PDLIM5: variants seen among roughly 807,000 people sequenced by gnomAD.
PDLIM5 encodes the protein PDZ and LIM domain protein 5.
A neutral mutation model predicts 64.2 loss-of-function variants in PDLIM5; 34 were observed. The observed-to-expected ratio is 0.53, with a 90% CI of 0.40 to 0.71. PDLIM5 has a LOEUF of 0.71. PDLIM5 is among the 30% of genes least tolerant of loss of function. The probability of loss-of-function intolerance (pLI) is 0.00; values close to 1 mark genes in which losing one functional copy is unlikely to be tolerated. For missense variants in PDLIM5, 683 were observed against 733.6 expected, an observed-to-expected ratio of 0.93 and a Z score of 0.80; for synonymous variants, 253 against 269.1, an observed-to-expected ratio of 0.94 and a Z score of 0.59.
At chr4:94,641,166 C>T (rs1055989105) in intron 9 of PDLIM5, among the ~76,000 whole-genome samples, 31 of 152,316 alleles carry the variant, frequency 2.0e-4, no homozygotes, top group African/African-American at 5.8e-4. Context: ...TGTTGCACTT[C>T]GTGAGTTGCC....
chr4:94,579,556 G>A, intron 5 of PDLIM5: 1 of 1,354,890 alleles, frequency 7.4e-7, no homozygotes, highest in African/African-American at 1.5e-5. Flanking sequence ...CCACATTACT[G>A]GAGAGGAAAT....
At chr4:94,564,179 G>T (rs1425958889) in intron 3 of PDLIM5, among the ~76,000 whole-genome samples, 1 of 151,978 alleles carries the variant, frequency 6.6e-6, no homozygotes. Flanking sequence ...GGCCAGGGTG[G>T]TCTAGATCTC....
intron 3 of PDLIM5, among the ~76,000 whole-genome samples, chr4:94,563,616 A>C (rs925532709): frequency 6.6e-6 from 1 of 152,206 alleles, no homozygotes; most frequent in African/African-American, 2.4e-5. Context: ...TTTACAAAAA[A>C]GGTTTGCAAT....
At chr4:94,597,851 G>C (rs553330605) in intron 7 of PDLIM5, among the ~76,000 whole-genome samples, 3 of 152,084 alleles carry the variant, frequency 2.0e-5, no homozygotes, top group Admixed American at 6.6e-5. Flanking sequence ...AGTCAAGCAG[G>C]CATTCTGAAA....
chr4:94,507,923 G>A (rs1456812601), intron 2 of PDLIM5, among the ~76,000 whole-genome samples: 2 of 152,108 alleles, frequency 1.3e-5, no homozygotes, highest in African/African-American at 2.4e-5. Flanking sequence ...TCCCTCCTTG[G>A]TATGGACTTT....
chr4:94,561,559 C>G (rs977397738), intron 3 of PDLIM5, among the ~76,000 whole-genome samples: 1 of 152,048 alleles, frequency 6.6e-6, no homozygotes, highest in African/African-American at 2.4e-5. Context: ...TTTCTATGCA[C>G]TGGTTGTTAT....
In PDLIM5 at chr4:94,585,614, C is replaced by T. The variant is rs749780712; in HGVS notation, c.760C>T (p.Pro254Ser). The change falls in exon 6 of 13, where the codon CCC becomes TCC. Residue 254 changes from proline (P) to serine (S), a missense_variant. Physicochemically the swap from Pro to Ser is moderately conservative, Grantham distance 74. Transcript: ENST00000317968. Reference protein sequence around the residue: ...VERYTEFYHVPTHSDASKKRL... With the variant: ...VERYTEFYHVSTHSDASKKRL... Reference sequence around the variant, plus strand: ...GCGCTATACAGAGTTTTATCATGTACCCACTCACAGTGATGCCAGCAAGAA... The same window carrying T: ...GCGCTATACAGAGTTTTATCATGTATCCACTCACAGTGATGCCAGCAAGAA... The T allele has an allele frequency of 1.9e-6, 3 of 1,612,844 alleles. No individual in the cohort carries two copies. Among genetic ancestry groups the T allele is most frequent in the Non-Finnish European group, 2.5e-6 (3 of 1,179,468 alleles).
At chr4:94,532,736 T>A (rs935880102) in intron 3 of PDLIM5, among the ~76,000 whole-genome samples, 3 of 152,184 alleles carry the variant, frequency 2.0e-5, no homozygotes, top group African/African-American at 7.2e-5. Flanking sequence ...TGTGGCTCAA[T>A]GCCTGTAATT....
intron 2 of PDLIM5, among the ~76,000 whole-genome samples, chr4:94,492,295 T>C (rs1726950149): frequency 6.6e-6 from 1 of 151,936 alleles, no homozygotes; most frequent in African/African-American, 2.4e-5. Context: ...CCTCTCTTTT[T>C]TTTTTCTCTC....
chr4:94,468,745 A>G (rs912697728), intron 2 of PDLIM5, among the ~76,000 whole-genome samples: 4 of 152,194 alleles, frequency 2.6e-5, no homozygotes, highest in Non-Finnish European at 5.9e-5. Context: ...ACTACTTACT[A>G]TCTTTTAGGA....
At chr4:94,634,887 A>C (rs549864231) in intron 8 of PDLIM5, among the ~76,000 whole-genome samples, 1 of 152,310 alleles carries the variant, frequency 6.6e-6, no homozygotes, top group East Asian at 1.9e-4. Flanking sequence ...GCAACTCTGT[A>C]TATTGTGGAT....
intron 9 of PDLIM5, among the ~76,000 whole-genome samples, chr4:94,641,298 A>C (rs187469456): frequency 7.6e-4 from 116 of 152,334 alleles, no homozygotes; most frequent in Admixed American, 1.2e-3. Flanking sequence ...TTAAAACTTA[A>C]TTGCATTTTC....
chr4:94,618,572 T>C (rs777724198), intron 8 of PDLIM5, among the ~76,000 whole-genome samples: 62 of 152,336 alleles, frequency 4.1e-4, no homozygotes, highest in Non-Finnish European at 4.4e-4. Flanking sequence ...GAAACATTTA[T>C]TGCCATCAAA....
chr4:94,608,136 G>A (rs1043679796), intron 7 of PDLIM5: 2 of 1,530,442 alleles, frequency 1.3e-6, no homozygotes, highest in Non-Finnish European at 1.8e-6. Context: ...ACTATTGGTA[G>A]CCAAGTGGCC....
At chr4:94,496,851 A>G (rs757816056) in intron 2 of PDLIM5, among the ~76,000 whole-genome samples, 8 of 152,214 alleles carry the variant, frequency 5.3e-5, no homozygotes, top group Non-Finnish European at 1.2e-4. Context: ...GTTCCATTTG[A>G]CTTAATCCTA....
In PDLIM5 at chr4:94,465,573, G is replaced by A. The variant is rs1724278075; in HGVS notation, c.96+10189G>A. Among the ~76,000 whole-genome samples, 2 of 151,826 alleles carry A rather than the reference G, an allele frequency of 1.3e-5. 1 individual carries two copies. Among genetic ancestry groups the A allele is most frequent in the Admixed American group, 1.3e-4 (2 of 15,230 alleles). On this transcript the variant is annotated intron_variant, in intron 2 of 12. Coordinates refer to ENST00000317968, the MANE Select transcript of PDLIM5 (RefSeq NM_006457.5). Reference sequence around the variant, plus strand: ...GTGCCACCACACCTGGCTAATTTTTGTATTTTTCTTTTTTTTCAGTAGAGA... The same window carrying A: ...GTGCCACCACACCTGGCTAATTTTTATATTTTTCTTTTTTTTCAGTAGAGA...
chr4:94,456,792 AT>A (rs1723411774), intron 2 of PDLIM5: 1 of 1,188,080 alleles, frequency 8.4e-7, no homozygotes, highest in African/African-American at 1.6e-5. Context: ...TGAAAATACT[AT>A]TTTTGTGCCA....
chr4:94,631,769 G>A (rs531794792), intron 8 of PDLIM5, among the ~76,000 whole-genome samples: 5 of 152,280 alleles, frequency 3.3e-5, no homozygotes, highest in East Asian at 1.9e-4. Context: ...ACTGGCTTCC[G>A]TGACATACTC....
chr4:94,523,334 T>A (rs1729998164), intron 2 of PDLIM5, among the ~76,000 whole-genome samples: 1 of 152,190 alleles, frequency 6.6e-6, no homozygotes, highest in Non-Finnish European at 1.5e-5. Flanking sequence ...TTTTAAAAAA[T>A]TATTTCTAAA....
Sources: allele counts gnomAD v4.1 joint callset (sites outside exome capture counted in the v4.1 genomes callset), GRCh38; gene constraint gnomAD v4.1.1; transcripts MANE v1.5; gene names NCBI Gene and HGNC (gene_info 2026-07-23, HGNC 2026-07-21).